The following KSR1 variants were observed in gnomAD, a reference collection of about 807,000 sequenced individuals.
The protein encoded by KSR1 is kinase suppressor of ras.
In KSR1, 35 loss-of-function variants were observed where a neutral mutation model predicts 92.9. That is an observed-to-expected ratio of 0.38 (90% CI 0.29 to 0.50). KSR1 has a LOEUF of 0.50. KSR1 is among the 20% of genes least tolerant of loss of function. KSR1 has a pLI of 0.94. For missense variants in KSR1, 972 were observed against 1,158.5 expected (o/e 0.84, Z 2.34); for synonymous variants, 467 against 472.6 (o/e 0.99, Z 0.15).
intron 5 of KSR1, 191 bp from the exon 6 acceptor site, chr17:27,588,284 G>A (rs149246506): frequency 2.5e-4 from 105 of 415,506 alleles, no homozygotes; most frequent in African/African-American, 2.0e-3. Flanking sequence ...CAAGCGAGGC[G>A]AGGGGAACCA....
chr17:27,551,556 G>T (rs962671439), intron 2 of KSR1, among the ~76,000 whole-genome samples: 2 of 151,928 alleles, frequency 1.3e-5, no homozygotes, highest in Non-Finnish European at 2.9e-5. Context: ...GATCATTAAG[G>T]TCTTTTTTTT....
intron 14 of KSR1, among the ~76,000 whole-genome samples, chr17:27,606,665 C>T (rs1383287528): frequency 6.6e-6 from 1 of 151,990 alleles, no homozygotes; most frequent in African/African-American, 2.4e-5. Context: ...TGTAAATACT[C>T]TCACCATGGT....
intron 1 of KSR1, among the ~76,000 whole-genome samples, chr17:27,474,638 T>C (rs747920146): frequency 1.3e-5 from 2 of 152,242 alleles, no homozygotes; most frequent in African/African-American, 2.4e-5. Context: ...AGAATATTTT[T>C]ATATTATAAT....
chr17:27,537,552 G>A (rs929660852), intron 1 of KSR1, among the ~76,000 whole-genome samples: 5 of 152,140 alleles, frequency 3.3e-5, no homozygotes, highest in East Asian at 1.9e-4. Context: ...TTAGCTGAGC[G>A]TGGTGGCGGG....
intron 1 of KSR1, among the ~76,000 whole-genome samples, chr17:27,502,268 G>A (rs750643226): frequency 9.9e-5 from 15 of 152,124 alleles, no homozygotes; most frequent in South Asian, 4.2e-4. Flanking sequence ...GTGTAGCCTC[G>A]ACCATCCTGA....
intron 4 of KSR1, 93 bp from the exon 5 acceptor site, chr17:27,585,564 C>T (rs1221516825): frequency 8.3e-6 from 6 of 720,144 alleles, no homozygotes; most frequent in Middle Eastern, 2.3e-4. Context: ...ACGTCCCAGC[C>T]CCTTGCCTGC....
chr17:27,496,223 A>G (rs745797866), intron 1 of KSR1, among the ~76,000 whole-genome samples: 17 of 152,114 alleles, frequency 1.1e-4, no homozygotes, highest in Non-Finnish European at 2.2e-4. Context: ...GTGTTTGCCT[A>G]AGGGAGATGC....
intron 1 of KSR1, among the ~76,000 whole-genome samples, chr17:27,533,998 T>C (rs1157272586): frequency 6.6e-6 from 1 of 152,070 alleles, no homozygotes; most frequent in Non-Finnish European, 1.5e-5. Flanking sequence ...ATGTCACCAC[T>C]ATCCAGGTCT....
chr17:27,527,042 G>C, intron 1 of KSR1: 1 of 464,286 alleles, frequency 2.2e-6, no homozygotes, highest in South Asian at 2.4e-5. Context: ...GGGACAGCTC[G>C]GCTGAGAGTT....
intron 1 of KSR1, among the ~76,000 whole-genome samples, chr17:27,508,709 T>TTTTTTTTATTTATTTATTTATTTA (rs1555572323): frequency 2.9e-5 from 4 of 138,272 alleles, no homozygotes; most frequent in African/African-American, 1.1e-4. Context: ...CCTGAATTTT[T>TTTTTTTTATTTATTTATTTATTTA]TTTATTTATT....
intron 2 of KSR1, chr17:27,566,578 G>A: frequency 2.5e-6 from 1 of 399,130 alleles, no homozygotes; most frequent in Non-Finnish European, 4.4e-6. Flanking sequence ...TATGAGGTAG[G>A]CACGGGGGTC....
chr17:27,602,415 T>C (rs2073598330), intron 11 of KSR1, among the ~76,000 whole-genome samples: 1 of 152,228 alleles, frequency 6.6e-6, no homozygotes, highest in Non-Finnish European at 1.5e-5. Context: ...CCCCAAAACA[T>C]TGGGAAGATA....
intron 1 of KSR1, among the ~76,000 whole-genome samples, chr17:27,493,666 C>T (rs1284369374): frequency 6.6e-6 from 1 of 152,144 alleles, no homozygotes; most frequent in Non-Finnish European, 1.5e-5. Context: ...ACCTTTCCTT[C>T]TGTGTTGTCG....
intron 1 of KSR1, among the ~76,000 whole-genome samples, chr17:27,487,299 A>G (rs942390483): frequency 6.6e-6 from 1 of 151,924 alleles, no homozygotes; most frequent in African/African-American, 2.4e-5. Context: ...GCCAGGTGTG[A>G]TAGCGCACGT....
Position 27,622,024 on chromosome 17 carries a change from C to A in KSR1, c.2708+751C>A, listed in dbSNP as rs373078815. ...TTCTGCTAAAATGCAAAATGAGATG[C>A]GGGCACTAACCCAGGGGATGCCACC... On this transcript the variant is annotated intron_variant, in intron 20 of 20. Transcript: ENST00000644974. 26 of 1,211,070 alleles carry A rather than the reference C, an allele frequency of 2.1e-5. 2 individuals carry two copies. The highest frequency in any genetic ancestry group is 2.1e-4 in the South Asian group (17 of 81,586). 75.0% of individuals were successfully genotyped at this position (1,211,070 alleles called of 1,614,324 possible).
At chr17:27,526,802 GC>G in intron 1 of KSR1, 1 of 1,023,820 alleles carries the variant, frequency 9.8e-7, no homozygotes, top group Non-Finnish European at 1.5e-6. Context: ...TGATTCTTGG[GC>G]CGTGGCGTGG....
rs2072552012 is a variant in KSR1 at position 27,577,412 on chromosome 17, A to C, written c.373-80A>C. 2 of 858,634 alleles carry C rather than the reference A, an allele frequency of 2.3e-6. No individual in the cohort carries two copies. Among genetic ancestry groups the C allele is most frequent in the Non-Finnish European group, 3.6e-6 (2 of 552,202 alleles). The allele number at this position is 858,634 out of a possible 1,614,324, so 53.2% of individuals were successfully genotyped here. A position where few individuals can be genotyped will look rare whatever the true frequency, so the allele number is the denominator to read the frequency against. On this transcript the variant is annotated intron_variant, in intron 2 of 20. Transcript: ENST00000644974. This position sits in a 1 kb window ranked among gnomAD's most constrained non-coding sequence, Gnocchi z 4.5. ...CAGCAGCTGGCCCCTGCCACTCAGCAGGAGGCCAGCCTGAGGCTGAGGGGC... is the reference window on the plus strand; with the variant it reads ...CAGCAGCTGGCCCCTGCCACTCAGCCGGAGGCCAGCCTGAGGCTGAGGGGC...
chr17:27,520,161 G>T (rs2069963798), intron 1 of KSR1, among the ~76,000 whole-genome samples: 1 of 152,196 alleles, frequency 6.6e-6, no homozygotes, highest in South Asian at 2.1e-4. Flanking sequence ...ACCAAAATGA[G>T]TTTCGGAGAG....
chr17:27,520,832 G>A (rs2151020003), intron 1 of KSR1, among the ~76,000 whole-genome samples: 1 of 152,246 alleles, frequency 6.6e-6, no homozygotes, highest in East Asian at 1.9e-4. Flanking sequence ...TTGTCCCAGT[G>A]GCCAAAAGGG....
Sources: allele counts gnomAD v4.1 joint callset (sites outside exome capture counted in the v4.1 genomes callset), GRCh38; gene constraint gnomAD v4.1.1; non-coding constraint Gnocchi (gnomAD v3.1); transcripts MANE v1.5; gene names NCBI Gene and HGNC (gene_info 2026-07-23, HGNC 2026-07-21).